HNF4G: variants seen among roughly 807,000 people sequenced by gnomAD.
HNF4G encodes hepatocyte nuclear factor 4-gamma.
HNF4G carries 21 observed loss-of-function variants against 50.9 expected under a neutral mutation model. That is an observed-to-expected ratio of 0.41 (90% CI 0.29 to 0.59). HNF4G has a LOEUF of 0.59. Among genes scored for constraint, HNF4G ranks in the 20% least tolerant of loss-of-function variants. The pLI, the probability that HNF4G is intolerant of heterozygous loss-of-function variation, is 0.26. For missense variants in HNF4G, 527 were observed against 559.4 expected, an observed-to-expected ratio of 0.94 and a Z score of 0.58; for synonymous variants, 198 against 185.6, an observed-to-expected ratio of 1.07 and a Z score of -0.54.
Position 75,479,681 on chromosome 8 carries a change from A to T in HNF4G, c.-143-10408A>T, listed in dbSNP as rs138615856. 2.0e-4 allele frequency among the ~76,000 whole-genome samples: 30 copies of T among 152,146 alleles called. No individual in the cohort carries two copies. In the East Asian group the frequency reaches 5.4e-3, roughly 27 times the overall value. ...AACATTTTTTAAAATTAGAAACTGG[A>T]TAACAAGAGAGAATAAGAAAAATGT... On this transcript the variant is annotated intron_variant, in intron 1 of 10. Transcript: ENST00000354370.
intron 1 of HNF4G, among the ~76,000 whole-genome samples, chr8:75,464,424 T>C (rs1027426613): frequency 6.6e-6 from 1 of 152,172 alleles, no homozygotes; most frequent in African/African-American, 2.4e-5. Flanking sequence ...GCACTAAATT[T>C]GCCTTTATCT....
At chr8:75,522,410 C>G (rs1185902653) in intron 2 of HNF4G, among the ~76,000 whole-genome samples, 1 of 152,116 alleles carries the variant, frequency 6.6e-6, no homozygotes, top group Admixed American at 6.5e-5. Flanking sequence ...TCATGTCCAT[C>G]ATTACAGTTT....
In HNF4G at chr8:75,564,150, G is replaced by T; in HGVS notation, c.*54G>T. On this transcript the variant is annotated 3_prime_UTR_variant, in exon 10 of 10. Coordinates refer to ENST00000396423, the MANE Select transcript of HNF4G (RefSeq NM_004133.5). Reference sequence around the variant, plus strand: ...ATAAATGTGAAAAGTTGTTGATCTTGAAATATCTCAGGATAGCACTTTTGG... The same window carrying T: ...ATAAATGTGAAAAGTTGTTGATCTTTAAATATCTCAGGATAGCACTTTTGG... 1 of 1,595,732 alleles carries T rather than the reference G, an allele frequency of 6.3e-7. No homozygotes were observed. The highest frequency in any genetic ancestry group is 1.1e-5 in the South Asian group (1 of 89,598).
intron 1 of HNF4G, among the ~76,000 whole-genome samples, chr8:75,464,145 A>G (rs897054118): frequency 1.3e-5 from 2 of 152,234 alleles, no homozygotes; most frequent in South Asian, 2.1e-4. Context: ...GCTGAGTCAC[A>G]TAGTGTACTA....
chr8:75,541,077 T>C (rs1323126213), intron 1 of HNF4G, among the ~76,000 whole-genome samples: 2 of 152,100 alleles, frequency 1.3e-5, no homozygotes, highest in East Asian at 3.9e-4. Flanking sequence ...GTAGTGCAAC[T>C]TTCAGGAAAT....
chr8:75,450,561 A>G (rs1811560566), intron 1 of HNF4G, among the ~76,000 whole-genome samples: 1 of 152,166 alleles, frequency 6.6e-6, no homozygotes, highest in Non-Finnish European at 1.5e-5. Context: ...CCAACTGTGT[A>G]TAAGGGTTCT....
intron 2 of HNF4G, among the ~76,000 whole-genome samples, chr8:75,516,637 A>G (rs1001628990): frequency 1.3e-5 from 2 of 152,064 alleles, no homozygotes; most frequent in Non-Finnish European, 2.9e-5. Context: ...TTCTCGTTCT[A>G]TCAGTTACTG....
At chr8:75,425,311 C>T (rs1026970530) in intron 1 of HNF4G, among the ~76,000 whole-genome samples, 1 of 151,272 alleles carries the variant, frequency 6.6e-6, no homozygotes, top group Non-Finnish European at 1.5e-5. Flanking sequence ...CTTGAGCTCC[C>T]GACCTCAAGT....
chr8:75,473,666 A>G (rs891485543), intron 1 of HNF4G, among the ~76,000 whole-genome samples: 1 of 152,200 alleles, frequency 6.6e-6, no homozygotes, highest in Non-Finnish European at 1.5e-5. Context: ...ATCCACAATA[A>G]GATTTAACAA....
intron 2 of HNF4G, among the ~76,000 whole-genome samples, chr8:75,505,423 T>C (rs1249854365): frequency 6.6e-6 from 1 of 152,142 alleles, no homozygotes; most frequent in African/African-American, 2.4e-5. Flanking sequence ...CTAACCTGAG[T>C]TGGCTTCTCT....
chr8:75,424,229 TC>T (rs1159595837), intron 1 of HNF4G, among the ~76,000 whole-genome samples: 5 of 152,332 alleles, frequency 3.3e-5, no homozygotes, highest in African/African-American at 9.6e-5. Context: ...AATTATTTTT[TC>T]CTTATTAAAG....
chr8:75,533,709 C>T (rs1806389363), intron 2 of HNF4G, among the ~76,000 whole-genome samples: 1 of 151,810 alleles, frequency 6.6e-6, no homozygotes, highest in Non-Finnish European at 1.5e-5. Context: ...TTTAACATTT[C>T]AGTTGAGCCA....
chr8:75,409,273 G>A (rs1810437047), intron 1 of HNF4G, among the ~76,000 whole-genome samples: 1 of 151,796 alleles, frequency 6.6e-6, no homozygotes. Flanking sequence ...TCCAGTTATG[G>A]GCCCACAAAT....
intron 1 of HNF4G, among the ~76,000 whole-genome samples, chr8:75,434,160 C>G (rs1456901345): frequency 6.6e-6 from 1 of 151,718 alleles, no homozygotes; most frequent in African/African-American, 2.4e-5. Flanking sequence ...CCTGCCACCC[C>G]ACCCGGCTAA....
At chr8:75,497,687 C>A (rs1257456158) in intron 2 of HNF4G, among the ~76,000 whole-genome samples, 2 of 133,344 alleles carry the variant, frequency 1.5e-5, no homozygotes, top group African/African-American at 6.7e-5. Context: ...CCATTTCCAC[C>A]CCCTCAAAAA....
upstream of HNF4G, among the ~76,000 whole-genome samples, chr8:75,538,723 G>A (rs932806984): frequency 1.3e-5 from 2 of 152,116 alleles, no homozygotes; most frequent in African/African-American, 2.4e-5. Flanking sequence ...CAGAATATGA[G>A]GGCAAGAGGA....
intron 2 of HNF4G, among the ~76,000 whole-genome samples, chr8:75,531,304 A>G (rs576753304): frequency 5.3e-4 from 80 of 152,322 alleles, no homozygotes; most frequent in African/African-American, 1.8e-3. Flanking sequence ...ATGAAGGATT[A>G]TGAAAAAATA....
intron 1 of HNF4G, among the ~76,000 whole-genome samples, chr8:75,454,793 G>A (rs909567688): frequency 1.3e-5 from 2 of 151,944 alleles, no homozygotes; most frequent in African/African-American, 4.8e-5. Context: ...AGTTATTTTT[G>A]TGGTATCCCT....
intron 2 of HNF4G, among the ~76,000 whole-genome samples, chr8:75,521,407 T>C (rs1355924301): frequency 6.6e-6 from 1 of 152,220 alleles, no homozygotes; most frequent in Non-Finnish European, 1.5e-5. Flanking sequence ...ATAGTATGTA[T>C]AAAAATCTAT....
Sources: allele counts gnomAD v4.1 joint callset (sites outside exome capture counted in the v4.1 genomes callset), GRCh38; gene constraint gnomAD v4.1.1; transcripts MANE v1.5; gene names NCBI Gene and HGNC (gene_info 2026-07-23, HGNC 2026-07-21).